The following DOK6 variants were observed in gnomAD, a reference collection of about 807,000 sequenced individuals.
DOK6 encodes the protein downstream of tyrosine kinase 6.
A neutral mutation model predicts 44.0 loss-of-function variants in DOK6; 22 were observed. The observed-to-expected ratio is 0.50, with a 90% CI of 0.36 to 0.71. DOK6 has a LOEUF of 0.71. DOK6 is among the 30% of genes least tolerant of loss of function. The pLI is 0.00. For missense variants in DOK6, 340 were observed against 416.4 expected, an observed-to-expected ratio of 0.82 and a Z score of 1.60; for synonymous variants, 166 against 145.5, an observed-to-expected ratio of 1.14 and a Z score of -1.01.
At chr18:69,719,646 A>G (rs767036451) in intron 5 of DOK6, among the ~76,000 whole-genome samples, 6 of 152,190 alleles carry the variant, frequency 3.9e-5, no homozygotes, top group Non-Finnish European at 7.3e-5. Context: ...TAGTCCTCAA[A>G]CAAAGAAGGG....
chr18:69,744,866 C>T (rs375472252), intron 6 of DOK6, among the ~76,000 whole-genome samples: 38 of 138,278 alleles, frequency 2.7e-4, no homozygotes, highest in East Asian at 2.4e-3. Flanking sequence ...GCAGAGGTTG[C>T]GGTGAGCAGA....
chr18:69,711,468 A>C (rs1171637932), intron 5 of DOK6, among the ~76,000 whole-genome samples: 1 of 152,252 alleles, frequency 6.6e-6, no homozygotes, highest in Admixed American at 6.5e-5. Context: ...TGTTGATTAA[A>C]AACAAAGCAA....
chr18:69,721,933 C>T (rs2144724296), intron 5 of DOK6, among the ~76,000 whole-genome samples: 1 of 152,264 alleles, frequency 6.6e-6, no homozygotes, highest in Middle Eastern at 3.4e-3. Context: ...AACCTGTTTG[C>T]TCTGTCTTTA....
At chr18:69,650,975 A>G (rs1985209616) in intron 3 of DOK6, among the ~76,000 whole-genome samples, 2 of 152,230 alleles carry the variant, frequency 1.3e-5, no homozygotes, top group African/African-American at 4.8e-5. Context: ...CAATCTTGAT[A>G]TGGAATATGC....
In DOK6 at chr18:69,841,260, G is replaced by C. The variant is rs766696627; in HGVS notation, c.873G>C (p.Ser291=). Residue 291 remains serine (S), a synonymous_variant, in exon 8 of 8, where the codon TCG becomes TCC. Transcript: ENST00000382713. The part of the protein sequence containing the change: ...IYSLQGHGFG[S]SKMSRAQTFP... ...CCTCTCTAGGTCATGGGTTTGGTTC[G>C]TCAAAGATGTCTCGTGCACAGACAT... 5.6e-6 allele frequency: 9 copies of C among 1,613,996 alleles called. No individual in the cohort carries two copies. The highest frequency in any genetic ancestry group is 7.6e-6 in the Non-Finnish European group (9 of 1,180,034).
chr18:69,631,070 T>C (rs1984679652), intron 3 of DOK6, among the ~76,000 whole-genome samples: 1 of 152,168 alleles, frequency 6.6e-6, no homozygotes, highest in Non-Finnish European at 1.5e-5. Context: ...ATTATTCCTA[T>C]TCATAGCTAA....
At chr18:69,561,864 G>T (rs1291499129) in intron 1 of DOK6, among the ~76,000 whole-genome samples, 1 of 152,124 alleles carries the variant, frequency 6.6e-6, no homozygotes, top group Non-Finnish European at 1.5e-5. Context: ...CTGTCTTCTA[G>T]TGAATAATAA....
intron 3 of DOK6, among the ~76,000 whole-genome samples, chr18:69,644,272 C>G (rs1246189034): frequency 6.6e-6 from 1 of 152,192 alleles, no homozygotes; most frequent in Non-Finnish European, 1.5e-5. Flanking sequence ...TGTATGAGGT[C>G]CAGTTTATTA....
In DOK6 at chr18:69,827,764, T is replaced by C. The variant is rs968220539; in HGVS notation, c.857-13480T>C. ...CTGCATACTGACTCCTCTGTAAATG[T>C]ACGTAACATTCAATAATTTTGTCTA... On this transcript the variant is annotated intron_variant, in intron 7 of 7. Coordinates refer to ENST00000382713, the MANE Select transcript of DOK6 (RefSeq NM_152721.6). Among the ~76,000 whole-genome samples the C allele has an allele frequency of 2.6e-5, 4 of 152,074 alleles. 1 individual carries two copies. Among genetic ancestry groups the C allele is most frequent in the East Asian group, 1.9e-4 (1 of 5,200 alleles).
intron 2 of DOK6, among the ~76,000 whole-genome samples, chr18:69,566,502 A>C (rs1982987399): frequency 6.6e-6 from 1 of 151,888 alleles, no homozygotes; most frequent in Non-Finnish European, 1.5e-5. Flanking sequence ...TTATCTCTGG[A>C]CTCAGCTATC....
At chr18:69,481,162 T>G (rs912778390) in intron 1 of DOK6, among the ~76,000 whole-genome samples, 1 of 152,090 alleles carries the variant, frequency 6.6e-6, no homozygotes, top group African/African-American at 2.4e-5. Context: ...TCCCTTGAGG[T>G]TCATATCTGA....
intron 7 of DOK6, among the ~76,000 whole-genome samples, chr18:69,774,456 A>G (rs1980000424): frequency 6.6e-6 from 1 of 151,848 alleles, no homozygotes; most frequent in Non-Finnish European, 1.5e-5. Flanking sequence ...TCACCACTAA[A>G]AAACTTACTC....
At chr18:69,540,022 T>G (rs902969703) in intron 1 of DOK6, among the ~76,000 whole-genome samples, 1 of 121,288 alleles carries the variant, frequency 8.2e-6, no homozygotes, top group African/African-American at 3.0e-5. Context: ...AAAGAATGCA[T>G]GTGTTGGAGG....
chr18:69,659,789 A>T (rs1985461348), intron 3 of DOK6: 1 of 140,814 alleles, frequency 7.1e-6, no homozygotes, highest in East Asian at 2.5e-4. Context: ...GCCATCTGAA[A>T]TCCTGGTGGT....
intron 7 of DOK6, among the ~76,000 whole-genome samples, chr18:69,775,925 T>C (rs944606307): frequency 3.3e-5 from 5 of 151,948 alleles, no homozygotes; most frequent in African/African-American, 1.2e-4. Context: ...AGATGCAATA[T>C]ATCTGAACTC....
chr18:69,824,700 C>A (rs1243936636), intron 7 of DOK6, among the ~76,000 whole-genome samples: 1 of 152,184 alleles, frequency 6.6e-6, no homozygotes, highest in Non-Finnish European at 1.5e-5. Context: ...CAAACCACTT[C>A]AAACCCATTC....
intron 5 of DOK6, among the ~76,000 whole-genome samples, chr18:69,700,171 G>T (rs1225668593): frequency 6.9e-6 from 1 of 145,330 alleles, no homozygotes; most frequent in Non-Finnish European, 1.5e-5. Context: ...TGAGATTTGG[G>T]TGGGGACAGA....
At chr18:69,728,242 T>C (rs1978320930) in intron 5 of DOK6, among the ~76,000 whole-genome samples, 1 of 152,226 alleles carries the variant, frequency 6.6e-6, no homozygotes, top group Admixed American at 6.5e-5. Flanking sequence ...GAGACCAATT[T>C]ATTTCACATT....
rs1980552596 is a variant in DOK6 at position 69,790,260 on chromosome 18, C to A, written c.856+32387C>A. Among the ~76,000 whole-genome samples the A allele has an allele frequency of 8.3e-5, 7 of 83,922 alleles. 1 individual carries two copies. In the South Asian group the frequency reaches 3.3e-3, roughly 40 times the overall value. 55.1% of individuals were successfully genotyped at this position (83,922 alleles called of 152,430 possible). A position where few individuals can be genotyped will look rare whatever the true frequency, so the allele number is the denominator to read the frequency against. Reference sequence around the variant, plus strand: ...GGAGGGGAACATCACACACTGGGGCCTGTCGGGGGGTGGGGGGCAAGGGGA... The same window carrying A: ...GGAGGGGAACATCACACACTGGGGCATGTCGGGGGGTGGGGGGCAAGGGGA... On this transcript the variant is annotated intron_variant, in intron 7 of 7. Transcript: ENST00000382713.
Sources: gnomAD v4.1 joint callset for allele counts (sites outside exome capture counted in the v4.1 genomes callset) on GRCh38, gnomAD v4.1.1 for gene constraint, MANE v1.5 for transcripts, NCBI Gene and HGNC (gene_info 2026-07-23, HGNC 2026-07-21) for gene names.